ARL17B: variants seen among roughly 807,000 people sequenced by gnomAD.
The protein encoded by ARL17B is ARF like GTPase 17B.
intron 4 of ARL17B, among the ~76,000 whole-genome samples, chr17:46,275,583 A>C (rs1303191290): frequency 6.6e-6 from 1 of 152,270 alleles, no homozygotes; most frequent in African/African-American, 2.4e-5. Context: ...AACCTATAAT[A>C]ATAAAACTTT....
chr17:46,298,720 T>C (rs1374716212), downstream of ARL17B, among the ~76,000 whole-genome samples: 1 of 91,026 alleles, frequency 1.1e-5, no homozygotes, highest in Non-Finnish European at 2.2e-5. Context: ...CAAGACTCCA[T>C]CTCAAAAAAA....
chr17:46,278,648 C>T (rs1253201959), intron 4 of ARL17B, among the ~76,000 whole-genome samples: 5 of 152,098 alleles, frequency 3.3e-5, no homozygotes, highest in African/African-American at 4.8e-5. Flanking sequence ...GTGATACACC[C>T]GCCTCGGCCT....
chr17:46,293,878 T>C, intron 4 of ARL17B: 1 of 246,106 alleles, frequency 4.1e-6, no homozygotes, highest in African/African-American at 2.2e-5. Context: ...TGGACTCTCT[T>C]CCATTTTATT....
chr17:46,276,164 T>G (rs2049582122), intron 4 of ARL17B, among the ~76,000 whole-genome samples: 1 of 152,256 alleles, frequency 6.6e-6, no homozygotes, highest in Non-Finnish European at 1.5e-5. Flanking sequence ...GTGCTGGGAT[T>G]ACAAGTGTGA....
At chr17:46,284,283 C>T (rs988881532) in intron 4 of ARL17B, among the ~76,000 whole-genome samples, 11 of 152,276 alleles carry the variant, frequency 7.2e-5, no homozygotes, top group African/African-American at 1.9e-4. Context: ...TCCCTGCGGC[C>T]TTCCGCAGTG....
intron 3 of ARL17B, among the ~76,000 whole-genome samples, chr17:46,327,064 T>C (rs2051769805): frequency 1.2e-5 from 1 of 86,232 alleles, no homozygotes; most frequent in Non-Finnish European, 3.4e-5. Context: ...CTACTTTCTT[T>C]GATCTTCCAT....
chr17:46,275,682 ATT>A (rs992039649), intron 4 of ARL17B, among the ~76,000 whole-genome samples: 1 of 152,230 alleles, frequency 6.6e-6, no homozygotes, highest in African/African-American at 2.4e-5. Flanking sequence ...AGATTACAAC[ATT>A]TTCAGGCAAC....
chr17:46,291,781 CAAT>C (rs1420111548), intron 4 of ARL17B, among the ~76,000 whole-genome samples: 1 of 151,590 alleles, frequency 6.6e-6, no homozygotes, highest in African/African-American at 2.4e-5. Flanking sequence ...ATGACAACAA[CAAT>C]AACAACAAAA....
At position 46,337,692 on chromosome 17, in the gene ARL17B, CGGA is replaced by C. The variant is rs1284058321; in HGVS notation, c.*1805_*1807del. On this transcript the variant is annotated 3_prime_UTR_variant, in exon 4 of 4. Coordinates refer to ENST00000450673, the MANE Select transcript of ARL17B (RefSeq NM_001039083.5). Reference sequence around the variant, plus strand: ...TATCCCAGGGACAGCGAAGCCCCAACGGAGGAGGAGGAGAGTGAAGCCCTGCCA... The same window carrying C: ...TATCCCAGGGACAGCGAAGCCCCAACGGAGGAGGAGAGTGAAGCCCTGCCA... 9.8e-6 allele frequency: 6 copies of C among 612,528 alleles called. No homozygotes were observed. Among genetic ancestry groups the C allele is most frequent in the East Asian group, 5.8e-5 (2 of 34,604 alleles). 37.9% of individuals were successfully genotyped at this position (612,528 alleles called of 1,614,324 possible).
chr17:46,281,289 C>G (rs889399248), intron 4 of ARL17B, among the ~76,000 whole-genome samples: 10 of 151,628 alleles, frequency 6.6e-5, no homozygotes, highest in African/African-American at 1.9e-4. Context: ...CTGTATCTGG[C>G]ACACATCAGG....
downstream of ARL17B, chr17:46,332,820 G>T: frequency 2.7e-6 from 1 of 372,356 alleles, no homozygotes; most frequent in Non-Finnish European, 5.3e-6. Context: ...TTATTGCAGT[G>T]TATATTTCAG....
At chr17:46,285,533 A>T (rs559260187) in intron 4 of ARL17B, among the ~76,000 whole-genome samples, 1 of 152,296 alleles carries the variant, frequency 6.6e-6, no homozygotes, top group South Asian at 2.1e-4. Context: ...GAGCCCCCGT[A>T]CCCAGCCACC....
intron 4 of ARL17B, among the ~76,000 whole-genome samples, chr17:46,286,487 A>G (rs1185217294): frequency 6.6e-6 from 1 of 152,252 alleles, no homozygotes; most frequent in Non-Finnish European, 1.5e-5. Flanking sequence ...GCACCATTTC[A>G]AACACTGATA....
intron 4 of ARL17B, among the ~76,000 whole-genome samples, chr17:46,280,955 A>T (rs1027504808): frequency 4.6e-5 from 7 of 152,164 alleles, no homozygotes; most frequent in African/African-American, 1.7e-4. Context: ...ATTTATTCTG[A>T]CTTTACTTGA....
intron 4 of ARL17B, among the ~76,000 whole-genome samples, chr17:46,282,931 C>T (rs2049809529): frequency 6.6e-6 from 1 of 151,824 alleles, no homozygotes; most frequent in Non-Finnish European, 1.5e-5. Flanking sequence ...CCATCCTGGC[C>T]AACACAGTGA....
chr17:46,282,849 T>G (rs1203591961), intron 4 of ARL17B, among the ~76,000 whole-genome samples: 2 of 152,226 alleles, frequency 1.3e-5, no homozygotes, highest in African/African-American at 4.8e-5. Context: ...CTGGGCGCGG[T>G]GGCTCATGCC....
At chr17:46,304,976 C>T (rs1384971169) in intron 3 of ARL17B, among the ~76,000 whole-genome samples, 1 of 78,102 alleles carries the variant, frequency 1.3e-5, no homozygotes, top group Admixed American at 1.6e-4. Context: ...TCATGCCATT[C>T]TCCTGCCTCA....
chr17:46,309,183 C>T (rs2050681659), intron 3 of ARL17B, among the ~76,000 whole-genome samples: 1 of 58,560 alleles, frequency 1.7e-5, no homozygotes, highest in African/African-American at 4.3e-5. Context: ...ACAACCATAT[C>T]GAGGTTTTGC....
downstream of ARL17B, chr17:46,332,459 TAAA>T (rs1318003987): frequency 8.0e-6 from 4 of 500,664 alleles, no homozygotes; most frequent in Non-Finnish European, 1.4e-5. Context: ...TTCAAAAAAA[TAAA>T]AAAGAACCTG....
Sources: gnomAD v4.1 joint callset for allele counts (sites outside exome capture counted in the v4.1 genomes callset) on GRCh38, gnomAD v4.1.1 for gene constraint, MANE v1.5 for transcripts, NCBI Gene and HGNC (gene_info 2026-07-23, HGNC 2026-07-21) for gene names.